Variants in ZNF543 observed in about 807,000 individuals in gnomAD.
The protein encoded by ZNF543 is zinc finger protein 543.
ZNF543 carries 10 observed loss-of-function variants against 13.4 expected under a neutral mutation model. The observed-to-expected ratio is 0.75, with a 90% CI of 0.46 to 1.26. ZNF543 has a LOEUF of 1.26. ZNF543 is among the 50% of genes most tolerant of loss of function. The pLI is 0.00. For synonymous variants in ZNF543, 272 were observed against 264.7 expected (o/e 1.03, Z -0.27); for missense variants, 768 against 741.2 (o/e 1.04, Z -0.42).
chr19:57,321,647 G>A (rs189645594), intron 1 of ZNF543, among the ~76,000 whole-genome samples: 42 of 152,280 alleles, frequency 2.8e-4, no homozygotes, highest in African/African-American at 9.9e-4. Flanking sequence ...TTACACAAGA[G>A]CAGCTGGAGG....
In ZNF543 at chr19:57,330,198, G is replaced by T. The variant is rs1259123935; in HGVS notation, c.*933G>T. ...GACACATTGTCCACTTCAGATGCTT[G>T]TTTAAAAAAATGTTTCACCATGTGT... On this transcript the variant is annotated 3_prime_UTR_variant, in exon 4 of 4. Transcript: ENST00000321545. 5 of 150,850 alleles carry T rather than the reference G, an allele frequency of 3.3e-5. No individual in the cohort carries two copies. In the East Asian group the frequency reaches 9.8e-4, roughly 29 times the overall value. The allele number at this position is 150,850 out of a possible 1,614,324, so 9.3% of individuals were successfully genotyped here. A position where few individuals can be genotyped will look rare whatever the true frequency, so the allele number is the denominator to read the frequency against.
At chr19:57,324,888 T>C (rs2088112370) in intron 2 of ZNF543, among the ~76,000 whole-genome samples, 1 of 152,250 alleles carries the variant, frequency 6.6e-6, no homozygotes, top group Non-Finnish European at 1.5e-5. Context: ...ATATGTTATT[T>C]CTTTTCTAAA....
chr19:57,327,940 G>A lies in ZNF543; in HGVS notation c.478G>A (p.Asp160Asn). ...MSSERDGLGS[D>N]DGVCTKITQK... Reference sequence around the variant, plus strand: ...TTCTGAACGTGATGGTTTGGGGTCAGATGATGGTGTATGTACAAAGATTAC... The same window carrying A: ...TTCTGAACGTGATGGTTTGGGGTCAAATGATGGTGTATGTACAAAGATTAC... Residue 160 changes from aspartate to asparagine, a missense_variant, in exon 4 of 4, where the codon GAT becomes AAT. By Grantham distance (23) the Asp-to-Asn change is conservative (BLOSUM62 1). Transcript: ENST00000321545. 6.2e-7 allele frequency: 1 copy of A among 1,614,180 alleles called. No individual in the cohort carries two copies. Among genetic ancestry groups the A allele is most frequent in the African/African-American group, 1.3e-5 (1 of 75,064 alleles).
Position 57,328,285 on chromosome 19 carries a change from C to T in ZNF543, c.823C>T (p.Arg275Trp), listed in dbSNP as rs1452433964. Residue 275 changes from arginine to tryptophan, a missense_variant, in exon 4 of 4, where the codon CGG (arginine) becomes TGG (tryptophan). Physicochemically the swap from Arg to Trp is moderately radical, Grantham distance 101. Around this residue, in one of 3 missense-constraint regions of ZNF543, gnomAD observed 677 missense variants for 631.4 expected, o/e 1.07. Coordinates refer to ENST00000321545, the MANE Select transcript of ZNF543 (RefSeq NM_213598.4). ...NRRSHLTRHQ[R>W]IHSGEKPYKC... is the part of the protein sequence containing the mutation. Reference sequence around the variant, plus strand: ...CAGGTCACACCTCACACGGCACCAGCGGATTCACAGTGGAGAGAAGCCTTA... The same window carrying T: ...CAGGTCACACCTCACACGGCACCAGTGGATTCACAGTGGAGAGAAGCCTTA... The T allele has an allele frequency of 6.2e-7, 1 of 1,613,482 alleles. No individual in the cohort carries two copies. The highest frequency in any genetic ancestry group is 2.2e-5 in the East Asian group (1 of 44,800).
chr19:57,322,841 A>T (rs954200566), intron 1 of ZNF543, among the ~76,000 whole-genome samples: 1 of 152,172 alleles, frequency 6.6e-6, no homozygotes, highest in Non-Finnish European at 1.5e-5. Flanking sequence ...CCTGGACATC[A>T]GGGCTCAGAT....
rs114801531 is a variant in ZNF543 at position 57,321,583 on chromosome 19, T to G, written c.18+712T>G. On this transcript the variant is annotated intron_variant, in intron 1 of 3. Transcript: ENST00000321545. ...CTGATTGGCAGGCATTATTTAACCCTCAGCTCCTTTAATCCTGAACTCCTT... is the reference window on the plus strand; with the variant it reads ...CTGATTGGCAGGCATTATTTAACCCGCAGCTCCTTTAATCCTGAACTCCTT... Among the ~76,000 whole-genome samples, 685 of 152,328 alleles carry G rather than the reference T, an allele frequency of 4.5e-3. 5 individuals carry two copies. Among genetic ancestry groups the G allele is most frequent in the African/African-American group, 0.015 (629 of 41,568 alleles).
chr19:57,324,142 G>A (rs753818582), intron 2 of ZNF543, among the ~76,000 whole-genome samples: 1 of 152,166 alleles, frequency 6.6e-6, no homozygotes, highest in South Asian at 2.1e-4. Context: ...AGGAGGTCAG[G>A]AGTTTGAGAC....
Position 57,330,720 on chromosome 19 carries a change from C to T in ZNF543, c.*1455C>T, listed in dbSNP as rs2088157838. On this transcript the variant is annotated 3_prime_UTR_variant, in exon 4 of 4. Transcript: ENST00000321545. ...TTTGAGCCATGTGATAGTTTTACCTCATATTAAATATATTGTACAGAAGTA... is the reference window on the plus strand; with the variant it reads ...TTTGAGCCATGTGATAGTTTTACCTTATATTAAATATATTGTACAGAAGTA... The T allele has an allele frequency of 6.6e-6, 1 of 152,064 alleles. No homozygotes were observed. Among genetic ancestry groups the T allele is most frequent in the African/African-American group, 2.4e-5 (1 of 41,396 alleles). The allele number at this position is 152,064 out of a possible 1,614,324, so 9.4% of individuals were successfully genotyped here. A position where few individuals can be genotyped will look rare whatever the true frequency, so the allele number is the denominator to read the frequency against.
chr19:57,327,778 G>A lies in ZNF543; in HGVS notation c.316G>A (p.Glu106Lys). The A allele has an allele frequency of 1.2e-6, 2 of 1,614,006 alleles. No individual in the cohort carries two copies. The highest frequency in any genetic ancestry group is 1.7e-6 in the Non-Finnish European group (2 of 1,180,016). The part of the protein sequence containing the change: ...LALPEEVLLQ[E>K]QLTQGASKNS... ...CTTGCCTGAGGAAGTCTTACTCCAG[G>A]AACAACTGACACAAGGAGCCTCAAA... Residue 106 changes from glutamate (E) to lysine (K), a missense_variant, in exon 4 of 4, where the codon GAA (glutamate) becomes AAA (lysine). This residue lies in a region of ZNF543 where 677 missense variants were observed against 631.4 expected (regional missense o/e 1.07). Coordinates refer to ENST00000321545, the MANE Select transcript of ZNF543 (RefSeq NM_213598.4).
In ZNF543 at chr19:57,328,339, A is replaced by C. The variant is rs567853420; in HGVS notation, c.877A>C (p.Thr293Pro). ...GTGCAGTGAATGTGGAAAGGCCTTC[A>C]CCCACCGCTCCACTTTTGTCTTGCA... Reference protein sequence around the residue: ...YKCSECGKAFTHRSTFVLHHR... With the variant: ...YKCSECGKAFPHRSTFVLHHR... Residue 293 changes from threonine (T) to proline (P), a missense_variant, in exon 4 of 4, where the codon ACC becomes CCC. Around this residue, in one of 3 missense-constraint regions of ZNF543, gnomAD observed 677 missense variants for 631.4 expected, o/e 1.07. Coordinates refer to ENST00000321545, the MANE Select transcript of ZNF543 (RefSeq NM_213598.4). 203 of 1,613,958 alleles carry C rather than the reference A, an allele frequency of 1.3e-4. No homozygotes were observed. The highest frequency in any genetic ancestry group is 1.6e-4 in the Non-Finnish European group (186 of 1,179,998).
Position 57,323,760 on chromosome 19 carries a change from T to C in ZNF543, c.97T>C (p.Leu33=). The C allele has an allele frequency of 6.2e-7, 1 of 1,613,624 alleles. No homozygotes were observed. Among genetic ancestry groups the C allele is most frequent in the Non-Finnish European group, 8.5e-7 (1 of 1,179,656 alleles). The change falls in exon 2 of 4, where the codon TTG becomes CTG. Residue 33 remains leucine, a synonymous_variant. Coordinates refer to ENST00000321545, the MANE Select transcript of ZNF543 (RefSeq NM_213598.4). ...WGQLDAAQRT[L]YQEVMLETCG... is the part of the protein sequence containing the mutation. ...ACAGTTGGATGCAGCCCAGAGAACC[T>C]TGTATCAGGAGGTGATGCTGGAGAC...
In ZNF543 at chr19:57,327,768, C is replaced by G; in HGVS notation, c.306C>G (p.Val102=). ...TFSHLALPEE[V]LLQEQLTQGA... The stretch of plus-strand genomic sequence containing the variant: ...CTCACCTGGCCTTGCCTGAGGAAGT[C>G]TTACTCCAGGAACAACTGACACAAG... The change falls in exon 4 of 4, where the codon GTC becomes GTG. Residue 102 remains valine, a synonymous_variant. Coordinates refer to ENST00000321545, the MANE Select transcript of ZNF543 (RefSeq NM_213598.4). 1 of 1,614,020 alleles carries G rather than the reference C, an allele frequency of 6.2e-7. No homozygotes were observed. Among genetic ancestry groups the G allele is most frequent in the Non-Finnish European group, 8.5e-7 (1 of 1,180,004 alleles).
At chr19:57,323,546 A>T in intron 1 of ZNF543, 136 bp from the exon 2 acceptor site, 2 of 1,158,214 alleles carry the variant, frequency 1.7e-6, no homozygotes, top group Non-Finnish European at 2.5e-6. Flanking sequence ...TGCCTGGCAC[A>T]GATCATGGCC....
intron 1 of ZNF543, among the ~76,000 whole-genome samples, chr19:57,321,892 A>C (rs557574954): frequency 3.9e-5 from 6 of 152,186 alleles, no homozygotes; most frequent in African/African-American, 1.4e-4. Flanking sequence ...AACTGTGTGG[A>C]CTAAAAAAAA....
Position 57,320,746 on chromosome 19 carries a change from C to T in ZNF543, c.-108C>T. On this transcript the variant is annotated 5_prime_UTR_variant, in exon 1 of 4. Coordinates refer to ENST00000321545, the MANE Select transcript of ZNF543 (RefSeq NM_213598.4). ...GCATTTTTCTCTGGGGAAACTGAGG[C>T]TCCGAGTGCGAAAGTCAGCCGAGGT... 7.2e-7 allele frequency: 1 copy of T among 1,386,032 alleles called. No individual in the cohort carries two copies. The highest frequency in any genetic ancestry group is 9.9e-7 in the Non-Finnish European group (1 of 1,011,602). 85.9% of individuals were successfully genotyped at this position (1,386,032 alleles called of 1,614,324 possible).
chr19:57,327,732 GCCTA>G lies in ZNF543; in HGVS notation c.274_277del (p.Thr92PhefsTer16), dbSNP rs2088131398. 4.3e-6 allele frequency: 7 copies of G among 1,611,990 alleles called. No homozygotes were observed. Among genetic ancestry groups the G allele is most frequent in the Non-Finnish European group, 5.9e-6 (7 of 1,179,366 alleles). On this transcript the variant is annotated frameshift_variant, in exon 4 of 4. Coordinates refer to ENST00000321545, the MANE Select transcript of ZNF543 (RefSeq NM_213598.4). LOFTEE classifies it low-confidence loss of function (END_TRUNC). ...ACAACACAAAACCCAAGACCACAGA[GCCTA>G]CCTTTTCTCACCTGGCCTTGCCTGA...
At chr19:57,321,450 A>T (rs2088089648) in intron 1 of ZNF543, among the ~76,000 whole-genome samples, 1 of 152,228 alleles carries the variant, frequency 6.6e-6, no homozygotes, top group African/African-American at 2.4e-5. Flanking sequence ...GAATCTGACG[A>T]TATTAAAGAA....
rs1331324266 is a variant in ZNF543 at position 57,326,648 on chromosome 19, A to G, written c.161A>G (p.Lys54Arg). Residue 54 changes from lysine (K) to arginine (R), a missense_variant, in exon 3 of 4, where the codon AAA becomes AGA. Transcript: ENST00000321545. ...CCATGCACAGGCTGTCCTTTGTTCA[A>G]ACCAGAGCTGATCTACCAGTTGGAT... Reference protein sequence around the residue: ...LLMSLGCPLFKPELIYQLDHR... With the variant: ...LLMSLGCPLFRPELIYQLDHR... 3 of 1,613,928 alleles carry G rather than the reference A, an allele frequency of 1.9e-6. No individual in the cohort carries two copies. Among genetic ancestry groups the G allele is most frequent in the African/African-American group, 1.3e-5 (1 of 74,916 alleles).
intron 1 of ZNF543, among the ~76,000 whole-genome samples, chr19:57,322,301 C>T (rs1245844056): frequency 2.0e-5 from 3 of 149,524 alleles, no homozygotes; most frequent in East Asian, 3.9e-4. Context: ...GTGCCACCAC[C>T]TCAGGTGACT....
Sources: allele counts gnomAD v4.1 joint callset (sites outside exome capture counted in the v4.1 genomes callset), GRCh38; gene constraint gnomAD v4.1.1; regional missense constraint gnomAD v4.1.1; transcripts MANE v1.5; gene names NCBI Gene and HGNC (gene_info 2026-07-23, HGNC 2026-07-21).